Variants in UBR3 observed in about 807,000 individuals in gnomAD.
The protein encoded by UBR3 is ubiquitin protein ligase E3 component n-recognin 3.
UBR3 carries 85 observed loss-of-function variants against 243.2 expected under a neutral mutation model. That is an observed-to-expected ratio of 0.35 (90% CI 0.29 to 0.42). The LOEUF (loss-of-function observed/expected upper bound fraction) is 0.42. Ranked by LOEUF, UBR3 falls within the 10% of genes least tolerant of loss-of-function variation. The pLI is 1.00. For synonymous variants in UBR3, 748 were observed against 799.8 expected, an observed-to-expected ratio of 0.94 and a Z score of 1.09; for missense variants, 1,686 against 2,300.8, an observed-to-expected ratio of 0.73 and a Z score of 5.47.
chr2:169,831,449 C>T (rs962376400), intron 1 of UBR3, among the ~76,000 whole-genome samples: 27 of 151,950 alleles, frequency 1.8e-4, no homozygotes, highest in African/African-American at 5.1e-4. Context: ...CACACCCGGC[C>T]GGATACATAA....
chr2:170,061,468 G>C, intron 35 of UBR3, 25 bp downstream of exon 35: 2 of 1,503,122 alleles, frequency 1.3e-6, no homozygotes, highest in Non-Finnish European at 1.8e-6. Flanking sequence ...ATATGTAAGA[G>C]GGAGCTTTTT....
intron 30 of UBR3, among the ~76,000 whole-genome samples, chr2:170,024,602 T>C (rs1318227444): frequency 2.6e-5 from 4 of 152,146 alleles, no homozygotes; most frequent in Non-Finnish European, 5.9e-5. Context: ...TTTGGAGTTA[T>C]ATTTTTATTT....
At chr2:169,894,138 A>G (rs1469554291) in intron 6 of UBR3, among the ~76,000 whole-genome samples, 2 of 152,006 alleles carry the variant, frequency 1.3e-5, no homozygotes, top group Admixed American at 6.6e-5. Flanking sequence ...TGGACAACAC[A>G]GCAAGACCAT....
rs142070706 is a variant in UBR3, at chr2:170,079,946, G to C, written c.5332G>C (p.Val1778Leu). ...CACCAAGGTTCCTAAAGATCCTGCTGTTTGCCTTGTGTGTGGTACTTTTGT... is the reference window on the plus strand; with the variant it reads ...CACCAAGGTTCCTAAAGATCCTGCTCTTTGCCTTGTGTGTGGTACTTTTGT... ...VCTKVPKDPA[V>L]CLVCGTFVCL... The change falls in exon 37 of 39, where the codon GTT becomes CTT. Residue 1778 changes from valine (V) to leucine (L), a missense_variant. This residue lies in a region of UBR3 where 89 missense variants were observed against 183.3 expected (regional missense o/e 0.49). Transcript: ENST00000272793. 1.2e-6 allele frequency: 2 copies of C among 1,613,934 alleles called. No individual in the cohort carries two copies. The highest frequency in any genetic ancestry group is 2.7e-5 in the African/African-American group (2 of 74,914).
intron 29 of UBR3, chr2:170,013,898 G>A (rs1206562740): frequency 2.1e-6 from 1 of 470,084 alleles, no homozygotes. Flanking sequence ...ATATTCCCTT[G>A]ATGAAGGAAC....
intron 11 of UBR3, among the ~76,000 whole-genome samples, chr2:169,920,217 C>T (rs796801461): frequency 6.6e-6 from 1 of 152,036 alleles, no homozygotes; most frequent in Non-Finnish European, 1.5e-5. Context: ...ATTGCAAGGA[C>T]AAAAAACCAA....
At position 169,856,692 on chromosome 2, in the gene UBR3, C is replaced by T. The variant is rs1029128409; in HGVS notation, c.546-15544C>T. The stretch of plus-strand genomic sequence containing the variant: ...CCAAAAAATACAAAAACCAGTCAGG[C>T]ATGGCGGCGCGCGCCTGCAATCCCA... On this transcript the variant is annotated intron_variant, in intron 1 of 38. Coordinates refer to ENST00000272793, the MANE Select transcript of UBR3 (RefSeq NM_172070.4). Among the ~76,000 whole-genome samples the T allele has an allele frequency of 2.6e-5, 4 of 152,172 alleles. No individual in the cohort carries two copies. The East Asian group carries it at 7.7e-4, about 29-fold the overall frequency.
chr2:169,995,051 G>A (rs1023823063), intron 26 of UBR3, among the ~76,000 whole-genome samples: 1 of 151,964 alleles, frequency 6.6e-6, no homozygotes, highest in Non-Finnish European at 1.5e-5. Flanking sequence ...GGAATAAGTA[G>A]GCTGGAAAAT....
chr2:169,876,253 T>C (rs533253196), intron 3 of UBR3, among the ~76,000 whole-genome samples: 67 of 152,012 alleles, frequency 4.4e-4, no homozygotes, highest in African/African-American at 1.5e-3. Context: ...GCTAATTTTT[T>C]GTATTTTTAG....
At chr2:169,963,621 A>G (rs1574296450) in intron 24 of UBR3, among the ~76,000 whole-genome samples, 3 of 152,280 alleles carry the variant, frequency 2.0e-5, no homozygotes, top group South Asian at 2.1e-4. Context: ...TTAATTTTTT[A>G]TAACAAAAGC....
At chr2:170,054,092 T>C (rs2091280157) in intron 32 of UBR3, among the ~76,000 whole-genome samples, 1 of 152,202 alleles carries the variant, frequency 6.6e-6, no homozygotes, top group Non-Finnish European at 1.5e-5. Flanking sequence ...CTTTACATAT[T>C]GTTACTACTA....
At chr2:169,967,969 T>C (rs2087903570) in intron 24 of UBR3, among the ~76,000 whole-genome samples, 1 of 151,922 alleles carries the variant, frequency 6.6e-6, no homozygotes, top group African/African-American at 2.4e-5. Context: ...AGGTAACACA[T>C]ATGTACACTT....
intron 24 of UBR3, among the ~76,000 whole-genome samples, chr2:169,978,097 G>C (rs2088546700): frequency 6.6e-6 from 1 of 152,156 alleles, no homozygotes. Flanking sequence ...TGTGGCCTAG[G>C]CTATAGAAGT....
At chr2:170,070,085 C>T (rs993786563) in intron 35 of UBR3, among the ~76,000 whole-genome samples, 1 of 152,108 alleles carries the variant, frequency 6.6e-6, no homozygotes, top group Non-Finnish European at 1.5e-5. Context: ...TTTATTCACT[C>T]ATCCATCAAT....
chr2:169,877,087 G>C (rs1352682681), intron 3 of UBR3, among the ~76,000 whole-genome samples: 2 of 152,184 alleles, frequency 1.3e-5, no homozygotes, highest in East Asian at 3.8e-4. Flanking sequence ...TTCGATAACT[G>C]CATGCTTGGT....
chr2:169,833,298 A>G (rs992674874), intron 1 of UBR3, among the ~76,000 whole-genome samples: 2 of 152,194 alleles, frequency 1.3e-5, no homozygotes, highest in African/African-American at 4.8e-5. Context: ...TTAAACATTT[A>G]GTTCTCAAAT....
At chr2:170,018,920 T>G (rs1388918635) in intron 30 of UBR3, among the ~76,000 whole-genome samples, 1 of 152,212 alleles carries the variant, frequency 6.6e-6, no homozygotes, top group Non-Finnish European at 1.5e-5. Context: ...TTTCAGCACA[T>G]TTTTGGCATG....
intron 11 of UBR3, among the ~76,000 whole-genome samples, chr2:169,918,514 G>T (rs1439215435): frequency 1.2e-4 from 18 of 149,654 alleles, no homozygotes; most frequent in African/African-American, 3.4e-4. Flanking sequence ...TTAAGACAGG[G>T]TCTCGCCATC....
At chr2:170,062,910 C>T (rs987662792) in intron 35 of UBR3, among the ~76,000 whole-genome samples, 1 of 152,048 alleles carries the variant, frequency 6.6e-6, no homozygotes, top group Non-Finnish European at 1.5e-5. Context: ...CAATATGTTG[C>T]ATAGAAAGGA....
Sources: gnomAD v4.1 joint callset for allele counts (sites outside exome capture counted in the v4.1 genomes callset) on GRCh38, gnomAD v4.1.1 for gene constraint, gnomAD v4.1.1 regional missense constraint, MANE v1.5 for transcripts, NCBI Gene and HGNC (gene_info 2026-07-23, HGNC 2026-07-21) for gene names.